Variants in SYNDIG1 observed in about 807,000 individuals in gnomAD.
SYNDIG1 encodes the protein synapse differentiation-inducing gene protein 1.
Under a neutral mutation model 19.4 loss-of-function variants are expected in SYNDIG1, and 9 were observed. The observed-to-expected ratio is 0.46, with a 90% CI of 0.28 to 0.81. The LOEUF is 0.81. Among genes scored for constraint, SYNDIG1 ranks in the 30% least tolerant of loss-of-function variants. The pLI, the probability that SYNDIG1 is intolerant of heterozygous loss-of-function variation, is 0.12. For missense variants in SYNDIG1, 311 were observed against 343.3 expected (o/e 0.91, Z 0.74); for synonymous variants, 141 against 145.9 (o/e 0.97, Z 0.24).
intron 2 of SYNDIG1, among the ~76,000 whole-genome samples, chr20:24,549,743 A>AGG (rs1396761637): frequency 6.6e-6 from 1 of 152,232 alleles, no homozygotes; most frequent in African/African-American, 2.4e-5. Flanking sequence ...TGGAAAAATC[A>AGG]GGTCACATAC....
At chr20:24,655,800 T>G (rs1009840166) in intron 3 of SYNDIG1, among the ~76,000 whole-genome samples, 2 of 147,732 alleles carry the variant, frequency 1.4e-5, no homozygotes, top group African/African-American at 2.5e-5. Flanking sequence ...AAGACTAGAA[T>G]GTTCATAGCA....
chr20:24,478,653 C>T (rs1286939732), intron 1 of SYNDIG1, among the ~76,000 whole-genome samples: 35 of 152,210 alleles, frequency 2.3e-4, no homozygotes, highest in Admixed American at 2.2e-3. Context: ...CAGCAAGCCC[C>T]AGGTAGAACA....
chr20:24,623,816 T>C (rs1175434056), intron 3 of SYNDIG1, among the ~76,000 whole-genome samples: 1 of 152,218 alleles, frequency 6.6e-6, no homozygotes, highest in Non-Finnish European at 1.5e-5. Flanking sequence ...ATGTAAAATG[T>C]TCAGTTGAAA....
At chr20:24,635,793 G>A (rs901154587) in intron 3 of SYNDIG1, among the ~76,000 whole-genome samples, 2 of 151,982 alleles carry the variant, frequency 1.3e-5, no homozygotes, top group Non-Finnish European at 2.9e-5. Context: ...TAACCACCTC[G>A]ACTGCCCTTC....
intron 3 of SYNDIG1, among the ~76,000 whole-genome samples, chr20:24,601,792 C>A (rs1004335682): frequency 2.6e-5 from 4 of 152,048 alleles, no homozygotes; most frequent in Admixed American, 2.0e-4. Context: ...TGAATGATAC[C>A]CTTCTGCCTA....
intron 1 of SYNDIG1, among the ~76,000 whole-genome samples, chr20:24,483,100 A>G (rs2055844436): frequency 6.6e-6 from 1 of 152,240 alleles, no homozygotes; most frequent in African/African-American, 2.4e-5. Flanking sequence ...CTACACGTTC[A>G]CATTCATACC....
rs373852247 is a variant in SYNDIG1 at position 24,510,525 on chromosome 20, C to T, written c.-78-32495C>T. On this transcript the variant is annotated intron_variant, in intron 1 of 3. Transcript: ENST00000376862. ...CAGAGGTTGCAGTGAGCCGAGATTG[C>T]GCCATTGCACTCTGGTCTGGGTGAC... 2.9e-4 allele frequency among the ~76,000 whole-genome samples: 43 copies of T among 148,986 alleles called. 1 individual carries two copies. In the South Asian group the frequency reaches 4.3e-3, roughly 15 times the overall value.
chr20:24,644,904 C>T (rs1211533147), intron 3 of SYNDIG1, among the ~76,000 whole-genome samples: 1 of 152,060 alleles, frequency 6.6e-6, no homozygotes, highest in Admixed American at 6.5e-5. Flanking sequence ...ATATTAACAC[C>T]CTAGTACTTT....
At chr20:24,497,875 T>C (rs1179307130) in intron 1 of SYNDIG1, among the ~76,000 whole-genome samples, 1 of 152,212 alleles carries the variant, frequency 6.6e-6, no homozygotes, top group Non-Finnish European at 1.5e-5. Flanking sequence ...CACTTCTGCC[T>C]GAAGGAGATG....
chr20:24,645,259 A>G (rs1395969230), intron 3 of SYNDIG1, among the ~76,000 whole-genome samples: 2 of 152,196 alleles, frequency 1.3e-5, no homozygotes, highest in Admixed American at 1.3e-4. Context: ...TCCAGGCAAA[A>G]CACCCATGTT....
chr20:24,665,184 A>G (rs185409852), intron 3 of SYNDIG1, among the ~76,000 whole-genome samples, 162 bp from the exon 4 acceptor site: 1 of 152,148 alleles, frequency 6.6e-6, no homozygotes, highest in Admixed American at 6.5e-5. Context: ...CTTGCAGTTA[A>G]AGAACTGCCC....
At chr20:24,573,183 G>T (rs544765052) in intron 2 of SYNDIG1, among the ~76,000 whole-genome samples, 1 of 152,316 alleles carries the variant, frequency 6.6e-6, no homozygotes, top group East Asian at 1.9e-4. Context: ...GTAAGCAGAG[G>T]TACTCATTTA....
intron 2 of SYNDIG1, among the ~76,000 whole-genome samples, chr20:24,552,213 GTCACT>G (rs1479060809): frequency 6.6e-6 from 1 of 152,138 alleles, no homozygotes; most frequent in Non-Finnish European, 1.5e-5. Flanking sequence ...TAAAGCTTCT[GTCACT>G]GAAACACCAG....
chr20:24,646,682 C>T (rs528440988), intron 3 of SYNDIG1, among the ~76,000 whole-genome samples: 6 of 150,640 alleles, frequency 4.0e-5, no homozygotes, highest in Non-Finnish European at 7.4e-5. Context: ...AGTACAGTGG[C>T]GTGATGTCGG....
intron 1 of SYNDIG1, among the ~76,000 whole-genome samples, chr20:24,493,356 A>C (rs1208129962): frequency 6.6e-6 from 1 of 152,046 alleles, no homozygotes; most frequent in African/African-American, 2.4e-5. Flanking sequence ...ACAGGCATGG[A>C]AACACGCATG....
At chr20:24,513,793 C>T (rs2056802463) in intron 1 of SYNDIG1, among the ~76,000 whole-genome samples, 1 of 152,066 alleles carries the variant, frequency 6.6e-6, no homozygotes, top group African/African-American at 2.4e-5. Flanking sequence ...AGATACTCCT[C>T]AAAAAGAGCA....
rs1351951769 is a variant in SYNDIG1 at position 24,554,972 on chromosome 20, C to T, written c.480+11395C>T. The stretch of plus-strand genomic sequence containing the variant: ...GTTGGTAAGCTATTGATTATTGCCA[C>T]AATTTCAGATCCTGTTATTGGTCTA... On this transcript the variant is annotated intron_variant, in intron 2 of 3. Transcript: ENST00000376862. Among the ~76,000 whole-genome samples, 6 of 152,210 alleles carry T rather than the reference C, an allele frequency of 3.9e-5. No individual in the cohort carries two copies. The South Asian group carries it at 1.2e-3, about 32-fold the overall frequency.
At chr20:24,625,553 G>GTGA (rs1013109053) in intron 3 of SYNDIG1, among the ~76,000 whole-genome samples, 25 of 152,114 alleles carry the variant, frequency 1.6e-4, no homozygotes, top group African/African-American at 5.8e-4. Flanking sequence ...AGATTAGGGA[G>GTGA]TGATGATGAC....
intron 2 of SYNDIG1, among the ~76,000 whole-genome samples, chr20:24,578,255 T>A (rs1325172901): frequency 6.6e-6 from 1 of 151,978 alleles, no homozygotes; most frequent in Non-Finnish European, 1.5e-5. Flanking sequence ...CCAGCCTGGC[T>A]AACATGGTGA....
Sources: gnomAD v4.1 joint callset for allele counts (sites outside exome capture counted in the v4.1 genomes callset) on GRCh38, gnomAD v4.1.1 for gene constraint, MANE v1.5 for transcripts, NCBI Gene and HGNC (gene_info 2026-07-23, HGNC 2026-07-21) for gene names.